The following DNAJB14 variants were observed in gnomAD, a reference collection of about 807,000 sequenced individuals.
DNAJB14 encodes DnaJ heat shock protein family (Hsp40) member B14, also known as dnaJ homolog subfamily B member 14.
DNAJB14 carries 22 observed loss-of-function variants against 48.4 expected under a neutral mutation model. That is an observed-to-expected ratio of 0.45 (90% CI 0.32 to 0.65). The LOEUF (loss-of-function observed/expected upper bound fraction) is 0.65, where lower values mean the gene tolerates loss of function less well. Among genes scored for constraint, DNAJB14 ranks in the 30% least tolerant of loss-of-function variants. The probability of loss-of-function intolerance (pLI) is 0.03; values close to 1 mark genes in which losing one functional copy is unlikely to be tolerated. For missense variants in DNAJB14, 319 were observed against 458.8 expected (o/e 0.70, Z 2.78); for synonymous variants, 142 against 158.7 (o/e 0.89, Z 0.79).
At chr4:99,904,687 A>G (rs979905501) in intron 6 of DNAJB14, among the ~76,000 whole-genome samples, 2 of 152,148 alleles carry the variant, frequency 1.3e-5, no homozygotes, top group African/African-American at 4.8e-5. Flanking sequence ...CATTGCCTAA[A>G]ACCATGATTT....
intron 3 of DNAJB14, among the ~76,000 whole-genome samples, chr4:99,915,920 A>C (rs1560736466): frequency 1.3e-5 from 2 of 152,130 alleles, no homozygotes; most frequent in South Asian, 4.1e-4. Context: ...CTTTCGGTGC[A>C]TATACATTTA....
chr4:99,909,399 A>G (rs1174199763), intron 3 of DNAJB14, among the ~76,000 whole-genome samples: 1 of 152,006 alleles, frequency 6.6e-6, no homozygotes, highest in Non-Finnish European at 1.5e-5. Flanking sequence ...GCCCATACCA[A>G]AAATCTTTTT....
intron 3 of DNAJB14, among the ~76,000 whole-genome samples, chr4:99,919,532 T>C (rs6532836): frequency 0.45 from 67,937 of 151,792 alleles, 16,290 homozygotes; most frequent in African/African-American, 0.63. Flanking sequence ...TGCGGTGAGC[T>C]GAGACTGCGC....
At chr4:99,924,185 C>T (rs1465745175) in intron 2 of DNAJB14, 1 of 152,222 alleles carries the variant, frequency 6.6e-6, no homozygotes, top group Admixed American at 6.6e-5. Flanking sequence ...TAGATGTGTT[C>T]CATGTGCAGG....
chr4:99,935,177 G>A (rs1383203344), intron 1 of DNAJB14, among the ~76,000 whole-genome samples: 1 of 152,032 alleles, frequency 6.6e-6, no homozygotes, highest in African/African-American at 2.4e-5. Flanking sequence ...ACCTAATACT[G>A]ACCAAGAATA....
chr4:99,918,658 T>C (rs576382010), intron 3 of DNAJB14, among the ~76,000 whole-genome samples: 30 of 152,338 alleles, frequency 2.0e-4, no homozygotes, highest in African/African-American at 7.0e-4. Context: ...TCCCATTGGA[T>C]AGATACGTAA....
At chr4:99,939,668 T>A (rs1324915853) in intron 1 of DNAJB14, among the ~76,000 whole-genome samples, 1 of 152,226 alleles carries the variant, frequency 6.6e-6, no homozygotes. Flanking sequence ...TACTACACAG[T>A]CTTTGGCTCC....
Position 99,903,284 on chromosome 4 carries a change from A to G in DNAJB14, c.1015+442T>C, listed in dbSNP as rs537321763. On this transcript the variant is annotated intron_variant, in intron 7 of 7. Transcript: ENST00000442697. ...CTCTCTGTGTACAAAGTAAAGAAAA[A>G]AGAAATGTCAACAAAACTCATTGTA... 3.3e-5 allele frequency among the ~76,000 whole-genome samples: 5 copies of G among 152,268 alleles called. No individual in the cohort carries two copies. The South Asian group carries it at 1.0e-3, about 32-fold the overall frequency.
chr4:99,934,789 C>CAAAA (rs1167945149), intron 1 of DNAJB14, among the ~76,000 whole-genome samples: 357 of 6,860 alleles, frequency 0.052, 79 homozygotes, highest in Non-Finnish European at 0.058. Context: ...AAGACTGTCT[C>CAAAA]AAAAAAAAAA....
At chr4:99,908,008 T>C (rs1241507349) in intron 4 of DNAJB14, among the ~76,000 whole-genome samples, 1 of 152,134 alleles carries the variant, frequency 6.6e-6, no homozygotes, top group Non-Finnish European at 1.5e-5. Flanking sequence ...TTATATCAAT[T>C]AGCCTGCGGT....
intron 7 of DNAJB14, among the ~76,000 whole-genome samples, chr4:99,901,810 A>T (rs72684367): frequency 6.6e-6 from 1 of 152,202 alleles, no homozygotes; most frequent in Non-Finnish European, 1.5e-5. Context: ...CAGTCATTTC[A>T]CTGTTTATTA....
chr4:99,941,996 G>A (rs1244403335), intron 1 of DNAJB14: 1 of 151,970 alleles, frequency 6.6e-6, no homozygotes, highest in Non-Finnish European at 1.5e-5. Flanking sequence ...ATCTTAAAAA[G>A]AATATGTTGG....
intron 3 of DNAJB14, among the ~76,000 whole-genome samples, chr4:99,919,586 A>AAAACAAACAAACAAAC (rs112393273): frequency 1.3e-5 from 2 of 150,678 alleles, no homozygotes; most frequent in Admixed American, 6.6e-5. Context: ...TCCATCTTAA[A>AAAACAAACAAACAAAC]AAACAAACAA....
At chr4:99,927,836 C>T (rs1198729093) in intron 2 of DNAJB14, 2 of 152,108 alleles carry the variant, frequency 1.3e-5, no homozygotes, top group African/African-American at 4.8e-5. Flanking sequence ...TCAGAAAAAT[C>T]CCCTGTGTAT....
rs149330688 is a variant in DNAJB14, at chr4:99,936,501, C to A, written c.134-5880G>T. ...ATTCACGCATACATTTATTTCCTGG[C>A]TCTGTCCACTGATAGGGCTAGAAAC... is the stretch of plus-strand genomic sequence containing the variant. On this transcript the variant is annotated intron_variant, in intron 1 of 7. Transcript: ENST00000442697. 1.5e-3 allele frequency among the ~76,000 whole-genome samples: 228 copies of A among 152,238 alleles called. 1 individual carries two copies. The highest frequency in any genetic ancestry group is 5.2e-3 in the African/African-American group (218 of 41,536).
At chr4:99,923,212 G>A (rs750162757) in intron 2 of DNAJB14, 27 bp from the exon 3 acceptor site, 1 of 1,570,766 alleles carries the variant, frequency 6.4e-7, no homozygotes, top group Non-Finnish European at 8.6e-7. Flanking sequence ...GTGTTATAAT[G>A]TAAATTTCAA....
At chr4:99,911,477 GA>G (rs1725658563) in intron 3 of DNAJB14, among the ~76,000 whole-genome samples, 1 of 152,136 alleles carries the variant, frequency 6.6e-6, no homozygotes, top group African/African-American at 2.4e-5. Context: ...CTGTTGTACA[GA>G]ACAGCTGTGT....
chr4:99,910,040 A>G (rs1160909133), intron 3 of DNAJB14, among the ~76,000 whole-genome samples: 2 of 152,068 alleles, frequency 1.3e-5, no homozygotes, highest in East Asian at 1.9e-4. Context: ...GGTGGCTGCC[A>G]TAGGTACTGT....
At chr4:99,933,112 C>G (rs1224131705) in intron 1 of DNAJB14, among the ~76,000 whole-genome samples, 1 of 151,958 alleles carries the variant, frequency 6.6e-6, no homozygotes, top group Non-Finnish European at 1.5e-5. Flanking sequence ...TAAAGAAACA[C>G]TGAATGGTAT....
Sources: allele counts gnomAD v4.1 joint callset (sites outside exome capture counted in the v4.1 genomes callset), GRCh38; gene constraint gnomAD v4.1.1; transcripts MANE v1.5; gene names NCBI Gene and HGNC (gene_info 2026-07-23, HGNC 2026-07-21).